The following MTBP variants were observed in gnomAD, a reference collection of about 807,000 sequenced individuals.
MTBP encodes the protein mdm2-binding protein.
MTBP carries 101 observed loss-of-function variants against 117.0 expected under a neutral mutation model. That is an observed-to-expected ratio of 0.86 (90% confidence interval 0.73 to 1.02). MTBP has a LOEUF of 1.02. Ranked by LOEUF, MTBP falls within the 50% of genes least tolerant of loss-of-function variation. The pLI is 0.00. For synonymous variants in MTBP, 350 were observed against 351.5 expected (o/e 1.00, Z 0.05); for missense variants, 970 against 1,030.9 (o/e 0.94, Z 0.81).
At position 120,491,853 on chromosome 8, in the gene MTBP, T is replaced by C. The variant is rs768174237; in HGVS notation, c.1447+1283T>C. ...CTCTAAAGCTGGTGCATCTCTTCTT[T>C]GTGAAAGGAGAAGACTTAACCCCAA... On this transcript the variant is annotated intron_variant, in intron 13 of 21. Transcript: ENST00000305949. Among the ~76,000 whole-genome samples the C allele has an allele frequency of 4.3e-4, 65 of 152,228 alleles. 2 individuals carry two copies. The highest frequency in any genetic ancestry group is 3.9e-4 in the East Asian group (2 of 5,170).
rs774623606 is a variant in MTBP at position 120,518,690 on chromosome 8, A to G, written c.2497-14A>G. ...TTCCAAGAAATATTCGTCATATGTT[A>G]TGTTCTGTTCAAGATACTGAAAGAA... On this transcript the variant is annotated splice_polypyrimidine_tract_variant and intron_variant, in intron 19 of 21. Coordinates refer to ENST00000305949, the MANE Select transcript of MTBP (RefSeq NM_022045.5). The G allele has an allele frequency of 1.2e-5, 18 of 1,535,524 alleles. No individual in the cohort carries two copies. Among genetic ancestry groups the G allele is most frequent in the East Asian group, 4.5e-5 (2 of 44,318 alleles).
chr8:120,491,818 G>T (rs1814352840), intron 13 of MTBP, among the ~76,000 whole-genome samples: 1 of 152,124 alleles, frequency 6.6e-6, no homozygotes, highest in African/African-American at 2.4e-5. Context: ...TATCAGAAGA[G>T]CAGGGACCTC....
At chr8:120,447,420 T>C (rs1813251004) in intron 2 of MTBP, among the ~76,000 whole-genome samples, 1 of 152,188 alleles carries the variant, frequency 6.6e-6, no homozygotes, top group Non-Finnish European at 1.5e-5. Flanking sequence ...ACCACTATTA[T>C]TGCAGGAAAG....
intron 14 of MTBP, among the ~76,000 whole-genome samples, chr8:120,501,219 G>A (rs1359214506): frequency 1.2e-4 from 17 of 136,316 alleles, no homozygotes; most frequent in East Asian, 8.9e-4. Context: ...AAAATTAGCC[G>A]GGCGTGGTGG....
At chr8:120,456,105 G>A (rs1795018932) in intron 6 of MTBP, among the ~76,000 whole-genome samples, 1 of 152,122 alleles carries the variant, frequency 6.6e-6, no homozygotes, top group South Asian at 2.1e-4. Flanking sequence ...AAAGTGAGAA[G>A]ACATGATCTT....
At chr8:120,489,044 CT>C (rs71306887) in intron 12 of MTBP, among the ~76,000 whole-genome samples, 135 of 128,010 alleles carry the variant, frequency 1.1e-3, no homozygotes, top group South Asian at 5.2e-3. Flanking sequence ...AGACTGACTT[CT>C]TTTTTTTTTT....
intron 8 of MTBP, among the ~76,000 whole-genome samples, chr8:120,460,304 G>A (rs1813556568): frequency 6.6e-6 from 1 of 152,092 alleles, no homozygotes; most frequent in African/African-American, 2.4e-5. Flanking sequence ...TGCTACTGTT[G>A]AAGAGAATCT....
intron 7 of MTBP, 148 bp from the exon 8 acceptor site, chr8:120,459,067 A>C: frequency 1.6e-6 from 1 of 642,048 alleles, no homozygotes; most frequent in Non-Finnish European, 2.5e-6. Flanking sequence ...ATGTGTACCT[A>C]AATGTGAGAA....
intron 13 of MTBP, among the ~76,000 whole-genome samples, chr8:120,494,407 A>G (rs1352935295): frequency 6.6e-6 from 1 of 152,254 alleles, no homozygotes; most frequent in Non-Finnish European, 1.5e-5. Flanking sequence ...ACATGGATAT[A>G]GTTTGAAAAA....
chr8:120,514,772 A>G (rs889637424), intron 17 of MTBP, among the ~76,000 whole-genome samples: 1 of 152,082 alleles, frequency 6.6e-6, no homozygotes, highest in African/African-American at 2.4e-5. Context: ...TGCATGTTTC[A>G]GGCACTGATT....
intron 20 of MTBP, among the ~76,000 whole-genome samples, chr8:120,521,860 T>G (rs962867426): frequency 7.1e-5 from 7 of 98,522 alleles, no homozygotes; most frequent in African/African-American, 1.8e-4. Flanking sequence ...TAGTGGATGC[T>G]CACGGTGGAG....
At chr8:120,471,217 G>A in intron 11 of MTBP, 1 of 226,072 alleles carries the variant, frequency 4.4e-6, no homozygotes, top group Non-Finnish European at 8.5e-6. Context: ...AGACATTTCA[G>A]GAATCAAATT....
At chr8:120,497,290 G>T in intron 13 of MTBP, 103 bp from the exon 14 acceptor site, 2 of 1,025,908 alleles carry the variant, frequency 1.9e-6, no homozygotes, top group South Asian at 1.7e-5. Flanking sequence ...TGATTTACTA[G>T]AGAAATTCAC....
intron 15 of MTBP, 63 bp from the exon 16 acceptor site, chr8:120,506,643 G>A: frequency 1.3e-6 from 1 of 772,696 alleles, no homozygotes; most frequent in Non-Finnish European, 1.7e-6. Context: ...TTTTTTTTTT[G>A]ACTCTGGCTT....
At chr8:120,459,656 A>G (rs1478107373) in intron 8 of MTBP, among the ~76,000 whole-genome samples, 4 of 152,146 alleles carry the variant, frequency 2.6e-5, no homozygotes, top group African/African-American at 9.7e-5. Context: ...TGACATAGAG[A>G]AAAGAGGATA....
intron 14 of MTBP, among the ~76,000 whole-genome samples, chr8:120,501,376 AAAAAT>A (rs1307343053): frequency 6.6e-6 from 1 of 151,562 alleles, no homozygotes; most frequent in African/African-American, 2.4e-5. Flanking sequence ...ATAAATAAAT[AAAAAT>A]AAAATAAAAA....
At chr8:120,468,143 A>G (rs1394144110) in intron 10 of MTBP, among the ~76,000 whole-genome samples, 1 of 152,148 alleles carries the variant, frequency 6.6e-6, no homozygotes, top group African/African-American at 2.4e-5. Context: ...ATTATTTTCT[A>G]TTGCTAAATA....
intron 10 of MTBP, among the ~76,000 whole-genome samples, chr8:120,467,104 C>A (rs926338277): frequency 6.6e-6 from 1 of 151,894 alleles, no homozygotes; most frequent in Non-Finnish European, 1.5e-5. Flanking sequence ...TATGATTAGC[C>A]CCAGAATATA....
chr8:120,461,447 C>T (rs1813581888), intron 9 of MTBP, among the ~76,000 whole-genome samples, 192 bp downstream of exon 9: 1 of 152,140 alleles, frequency 6.6e-6, no homozygotes, highest in Non-Finnish European at 1.5e-5. Context: ...TTGCTTTTCC[C>T]ACCACCTGGA....
Sources: gnomAD v4.1 joint callset for allele counts (sites outside exome capture counted in the v4.1 genomes callset) on GRCh38, gnomAD v4.1.1 for gene constraint, MANE v1.5 for transcripts, NCBI Gene and HGNC (gene_info 2026-07-23, HGNC 2026-07-21) for gene names.